Variants in GPR107 observed in about 807,000 individuals in gnomAD.
GPR107 encodes protein GPR107.
Under a neutral mutation model 75.5 loss-of-function variants are expected in GPR107, and 31 were observed. The ratio of observed to expected loss-of-function variants is 0.41; its 90% CI spans 0.31 to 0.55. The LOEUF is 0.55. GPR107 is among the 20% of genes least tolerant of loss of function. The pLI is 0.26. For synonymous variants in GPR107, 267 were observed against 251.3 expected (o/e 1.06, Z -0.59); for missense variants, 572 against 665.7 (o/e 0.86, Z 1.55).
At chr9:130,119,987 C>G (rs1831511980) in intron 14 of GPR107, among the ~76,000 whole-genome samples, 1 of 152,112 alleles carries the variant, frequency 6.6e-6, no homozygotes, top group Admixed American at 6.6e-5. Flanking sequence ...CCATGTCCAG[C>G]TGGTTTATGT....
rs1831720254 is a variant in GPR107, at chr9:130,127,679, ATCTCTTC to A, written c.1440+115_1440+121del. ...CTGGGAATGACCACTAAGACCTTCC[ATCTCTTC>A]TTTTTTTTAACTAAAAATTTTTTTT... is the stretch of plus-strand genomic sequence containing the variant. On this transcript the variant is annotated intron_variant, in intron 16 of 17. Transcript: ENST00000347136. 2.7e-5 allele frequency: 17 copies of A among 636,974 alleles called. No homozygotes were observed. The South Asian group carries it at 2.9e-4, about 11-fold the overall frequency. The allele number at this position is 636,974 out of a possible 1,614,324, so 39.5% of individuals were successfully genotyped here.
At chr9:130,101,007 G>A (rs2132609570) in intron 11 of GPR107, 99 bp from the exon 12 acceptor site, 1 of 779,410 alleles carries the variant, frequency 1.3e-6, no homozygotes, top group East Asian at 2.4e-5. Context: ...CCCGTCTTTT[G>A]TAAGAAGCTT....
At chr9:130,075,352 C>T (rs1241033147) in intron 1 of GPR107, among the ~76,000 whole-genome samples, 1 of 145,756 alleles carries the variant, frequency 6.9e-6, no homozygotes, top group Non-Finnish European at 1.5e-5. Context: ...TCAAGCAATT[C>T]TGCTGGCTCA....
At chr9:130,054,723 A>T (rs1829701561) in intron 1 of GPR107, among the ~76,000 whole-genome samples, 1 of 152,218 alleles carries the variant, frequency 6.6e-6, no homozygotes, top group Non-Finnish European at 1.5e-5. Flanking sequence ...TTGCTTTGTA[A>T]CTAGCAGAGA....
At chr9:130,075,799 T>TTC in intron 2 of GPR107, 50 bp downstream of exon 2, 1 of 933,630 alleles carries the variant, frequency 1.1e-6, no homozygotes, top group Middle Eastern at 2.3e-4. Flanking sequence ...TTTTTTTTTT[T>TTC]TGAGATGGAG....
chr9:130,107,439 T>C, intron 13 of GPR107, 57 bp from the exon 14 acceptor site: 1 of 969,600 alleles, frequency 1.0e-6, no homozygotes, highest in African/African-American at 1.6e-5. Context: ...GAGCTGGAAA[T>C]AGAGAGGAGT....
In GPR107 at chr9:130,112,257, G is replaced by A. The variant is rs1239335733; in HGVS notation, c.1306+4718G>A. On this transcript the variant is annotated intron_variant, in intron 14 of 17. Transcript: ENST00000347136. This position sits in a 1 kb window ranked among gnomAD's most constrained non-coding sequence, Gnocchi z 4.0. ...CTGGCTGCAGAGTTGATGGAGGAAC[G>A]GCTTCATTCCGAGGTGCCGCCGTGC... 2.0e-5 allele frequency among the ~76,000 whole-genome samples: 3 copies of A among 152,220 alleles called. No homozygotes were observed. The highest frequency in any genetic ancestry group is 7.2e-5 in the African/African-American group (3 of 41,464).
chr9:130,111,255 C>G (rs1167030684), intron 14 of GPR107, among the ~76,000 whole-genome samples: 1 of 152,058 alleles, frequency 6.6e-6, no homozygotes, highest in Non-Finnish European at 1.5e-5. Context: ...TGCTTGAGGC[C>G]AGGAGTTTTA....
In GPR107 at chr9:130,110,744, C is replaced by T. The variant is rs139515253; in HGVS notation, c.1306+3205C>T. ...GCTGCCCTCGGTTGTGACTACAGGG[C>T]GGCTATGTGCTGTGAAGCTTGCGGG... On this transcript the variant is annotated intron_variant, in intron 14 of 17. Transcript: ENST00000347136. Among the ~76,000 whole-genome samples the T allele has an allele frequency of 3.1e-3, 415 of 133,074 alleles. 4 individuals are homozygous for T. The highest frequency in any genetic ancestry group is 3.1e-3 in the Non-Finnish European group (193 of 62,036). 87.3% of individuals were successfully genotyped at this position (133,074 alleles called of 152,430 possible).
rs1831077514 is a variant in GPR107, at chr9:130,103,143, G to T, written c.1132-1277G>T. Among the ~76,000 whole-genome samples, 1 of 152,068 alleles carries T rather than the reference G, an allele frequency of 6.6e-6. No homozygotes were observed. Among genetic ancestry groups the T allele is most frequent in the Non-Finnish European group, 1.5e-5 (1 of 68,032 alleles). On this transcript the variant is annotated intron_variant, in intron 12 of 17. Coordinates refer to ENST00000347136, the MANE Select transcript of GPR107 (RefSeq NM_020960.5). This position sits in a 1 kb window ranked among gnomAD's most constrained non-coding sequence, Gnocchi z 4.3. Reference sequence around the variant, plus strand: ...AGATGCTAGTGTTTTGGATAGACAGGGCTTCACGAGCAGTGTGGGACAGGG... The same window carrying T: ...AGATGCTAGTGTTTTGGATAGACAGTGCTTCACGAGCAGTGTGGGACAGGG...
intron 1 of GPR107, among the ~76,000 whole-genome samples, chr9:130,075,298 G>A (rs1830316161): frequency 7.5e-6 from 1 of 133,674 alleles, no homozygotes; most frequent in African/African-American, 2.9e-5. Flanking sequence ...AAGCTAGAGT[G>A]CAGTGGCATG....
chr9:130,138,247 A>C lies in GPR107; in HGVS notation c.*3126A>C, dbSNP rs1832007310. On this transcript the variant is annotated 3_prime_UTR_variant, in exon 18 of 18. Transcript: ENST00000347136. ...GCCTGAGTCAGTTGAGTTTTCTTTC[A>C]AGAAACCACTTCAGAGTGAAATATC... is the stretch of plus-strand genomic sequence containing the variant. 1 of 152,154 alleles carries C rather than the reference A, an allele frequency of 6.6e-6. No homozygotes were observed. Among genetic ancestry groups the C allele is most frequent in the African/African-American group, 2.4e-5 (1 of 41,418 alleles). 9.4% of individuals were successfully genotyped at this position (152,154 alleles called of 1,614,324 possible). A position where few individuals can be genotyped will look rare whatever the true frequency, so the allele number is the denominator to read the frequency against.
At chr9:130,113,145 T>G (rs1831344569) in intron 14 of GPR107, among the ~76,000 whole-genome samples, 1 of 152,128 alleles carries the variant, frequency 6.6e-6, no homozygotes, top group African/African-American at 2.4e-5. Context: ...AACATATTAC[T>G]TCAACAAAAA....
intron 14 of GPR107, among the ~76,000 whole-genome samples, chr9:130,124,641 G>A (rs1422566748): frequency 6.6e-6 from 1 of 152,142 alleles, no homozygotes. Context: ...TCCCACCATA[G>A]CCAGGTTACA....
intron 1 of GPR107, among the ~76,000 whole-genome samples, chr9:130,064,297 A>G (rs965458876): frequency 1.4e-5 from 2 of 138,252 alleles, no homozygotes; most frequent in African/African-American, 5.5e-5. Context: ...TCCCGGGTTC[A>G]CGCCATTCTC....
chr9:130,124,871 T>G, intron 14 of GPR107, 44 bp from the exon 15 acceptor site: 1 of 1,260,802 alleles, frequency 7.9e-7, no homozygotes, highest in Non-Finnish European at 1.1e-6. Context: ...CTTTTAAAAA[T>G]GAGAAGTTAA....
chr9:130,124,699 C>T (rs1357424478), intron 14 of GPR107, among the ~76,000 whole-genome samples: 1 of 152,218 alleles, frequency 6.6e-6, no homozygotes, highest in Non-Finnish European at 1.5e-5. Context: ...AACTCCAGCT[C>T]ATGGGGCTCA....
At chr9:130,081,536 G>C (rs1458538917) in intron 5 of GPR107, among the ~76,000 whole-genome samples, 1 of 151,678 alleles carries the variant, frequency 6.6e-6, no homozygotes, top group Non-Finnish European at 1.5e-5. Flanking sequence ...AGCCGGGCAT[G>C]GTGGCACGTG....
At chr9:130,096,884 G>T (rs1057004443) in intron 9 of GPR107, among the ~76,000 whole-genome samples, 3 of 152,122 alleles carry the variant, frequency 2.0e-5, no homozygotes, top group Non-Finnish European at 4.4e-5. Context: ...TCCTTTCTGC[G>T]ATCTAGCCAT....
Sources: gnomAD v4.1 joint callset for allele counts (sites outside exome capture counted in the v4.1 genomes callset) on GRCh38, gnomAD v4.1.1 for gene constraint, Gnocchi (gnomAD v3.1) non-coding constraint, MANE v1.5 for transcripts, NCBI Gene and HGNC (gene_info 2026-07-23, HGNC 2026-07-21) for gene names.